LARGE1: variants seen among roughly 807,000 people sequenced by gnomAD.
The protein encoded by LARGE1 is xylosyl- and glucuronyltransferase LARGE1.
Under a neutral mutation model 87.6 loss-of-function variants are expected in LARGE1, and 43 were observed. That is an observed-to-expected ratio of 0.49 (90% CI 0.38 to 0.63). The LOEUF (loss-of-function observed/expected upper bound fraction) is 0.63, where lower values mean the gene tolerates loss of function less well. Among genes scored for constraint, LARGE1 ranks in the 30% least tolerant of loss-of-function variants. The pLI, the probability that LARGE1 is intolerant of heterozygous loss-of-function variation, is 0.00. For missense variants in LARGE1, 802 were observed against 1,000.2 expected (o/e 0.80, Z 2.67); for synonymous variants, 434 against 394.6 (o/e 1.10, Z -1.18).
At chr22:33,371,122 T>C (rs377756695) in intron 9 of LARGE1, among the ~76,000 whole-genome samples, 23 of 151,372 alleles carry the variant, frequency 1.5e-4, no homozygotes, top group Middle Eastern at 3.5e-3. Context: ...TTAGATAATA[T>C]ATGTTATGCT....
At chr22:33,098,200 T>G in the LARGE1 span, among the ~76,000 whole-genome samples, 1 of 151,798 alleles carries the variant, frequency 6.6e-6, no homozygotes, top group Admixed American at 6.6e-5. Flanking sequence ...CCCAGCTACT[T>G]TGGTGGCTGA....
At chr22:33,699,545 C>T (rs374977210) in intron 2 of LARGE1, among the ~76,000 whole-genome samples, 4 of 152,216 alleles carry the variant, frequency 2.6e-5, no homozygotes, top group East Asian at 1.9e-4. Context: ...GAGGACGGCA[C>T]GATGTAGACA....
intron 9 of LARGE1, among the ~76,000 whole-genome samples, chr22:33,368,309 C>T (rs185732353): frequency 9.9e-5 from 15 of 151,808 alleles, no homozygotes; most frequent in African/African-American, 2.7e-4. Flanking sequence ...GGTGGGAGGC[C>T]GATCACCTGA....
intron 6 of LARGE1, among the ~76,000 whole-genome samples, chr22:33,468,957 T>G (rs144123749): frequency 6.6e-6 from 1 of 152,186 alleles, no homozygotes; most frequent in South Asian, 2.1e-4. Context: ...ACACTCACCA[T>G]ACCTCGGGAG....
chr22:33,141,542 C>T, the LARGE1 span, among the ~76,000 whole-genome samples: 9 of 151,814 alleles, frequency 5.9e-5, no homozygotes, highest in South Asian at 1.2e-3. Context: ...TAATTTATAT[C>T]TATATTATAC....
At chr22:33,395,078 A>AC (rs1160324746) in intron 7 of LARGE1, among the ~76,000 whole-genome samples, 1 of 151,968 alleles carries the variant, frequency 6.6e-6, no homozygotes, top group Non-Finnish European at 1.5e-5. Flanking sequence ...AATACAAAAA[A>AC]ATTAGCCGGG....
chr22:33,100,729 A>C, the LARGE1 span, among the ~76,000 whole-genome samples: 8 of 152,270 alleles, frequency 5.3e-5, no homozygotes, highest in Middle Eastern at 3.4e-3. Flanking sequence ...TGGTGATCCG[A>C]TGCTGCTGGT....
intron 7 of LARGE1, among the ~76,000 whole-genome samples, chr22:33,423,063 C>T (rs971366248): frequency 8.6e-5 from 13 of 150,686 alleles, no homozygotes; most frequent in South Asian, 2.1e-4. Context: ...ACAAGTCAAG[C>T]GAAGATGGTA....
At chr22:33,565,139 T>C in intron 5 of LARGE1, 120 bp from the exon 6 acceptor site, 1 of 868,564 alleles carries the variant, frequency 1.2e-6, no homozygotes. Context: ...AAAAATTTGT[T>C]GAATAAATGA....
chr22:33,183,612 A>ACACACACACACACACACG (rs1923294693), intron 11 of LARGE1, among the ~76,000 whole-genome samples: 1 of 91,518 alleles, frequency 1.1e-5, no homozygotes, highest in South Asian at 3.1e-4. Flanking sequence ...ACACACACAC[A>ACACACACACACACACACG]CACACACGCA....
chr22:33,594,113 C>A (rs75664523), intron 5 of LARGE1, among the ~76,000 whole-genome samples: 7,938 of 152,238 alleles, frequency 0.052, 686 homozygotes, highest in African/African-American at 0.18. Flanking sequence ...TTAATCCTTG[C>A]AATTCAAATA....
chr22:33,612,384 G>A (rs905727448), intron 4 of LARGE1, among the ~76,000 whole-genome samples: 1 of 152,204 alleles, frequency 6.6e-6, no homozygotes, highest in African/African-American at 2.4e-5. Flanking sequence ...TTACAGGCAT[G>A]AGCCACAGCA....
chr22:33,321,922 G>A (rs1420994730), intron 10 of LARGE1, among the ~76,000 whole-genome samples: 5 of 152,094 alleles, frequency 3.3e-5, no homozygotes, highest in African/African-American at 1.2e-4. Flanking sequence ...GGGTTCAAGC[G>A]ATTCTCCTGC....
chr22:33,893,419 A>T (rs974289148), intron 1 of LARGE1, among the ~76,000 whole-genome samples: 3 of 152,184 alleles, frequency 2.0e-5, no homozygotes, highest in Middle Eastern at 3.2e-3. Flanking sequence ...ACAAATATTT[A>T]TTGAGAGTTC....
the LARGE1 span, among the ~76,000 whole-genome samples, chr22:33,097,278 CTG>C: frequency 6.6e-6 from 1 of 152,188 alleles, no homozygotes; most frequent in African/African-American, 2.4e-5. Flanking sequence ...GTCAGGAAGT[CTG>C]GAGGAGAACC....
intron 1 of LARGE1, among the ~76,000 whole-genome samples, chr22:33,877,419 C>T (rs572967840): frequency 1.3e-5 from 2 of 152,274 alleles, no homozygotes; most frequent in Non-Finnish European, 2.9e-5. Flanking sequence ...GAAACTAGCA[C>T]AGCAGGGCTC....
At chr22:33,631,683 T>A (rs563431306) in intron 3 of LARGE1, among the ~76,000 whole-genome samples, 3 of 151,948 alleles carry the variant, frequency 2.0e-5, no homozygotes, top group African/African-American at 7.2e-5. Flanking sequence ...CAGTTAACTT[T>A]AAAAAAAATA....
chr22:33,796,352 A>T (rs2085981909), intron 1 of LARGE1, among the ~76,000 whole-genome samples: 1 of 152,188 alleles, frequency 6.6e-6, no homozygotes, highest in African/African-American at 2.4e-5. Flanking sequence ...AGAAAAGAGG[A>T]AGGCAGACAG....
At chr22:33,583,638 G>C (rs928738271) in intron 5 of LARGE1, among the ~76,000 whole-genome samples, 4 of 152,174 alleles carry the variant, frequency 2.6e-5, no homozygotes, top group African/African-American at 9.7e-5. Context: ...CCACTGAATA[G>C]GTCAGGGACA....
Sources: allele counts gnomAD v4.1 joint callset (sites outside exome capture counted in the v4.1 genomes callset), GRCh38; gene constraint gnomAD v4.1.1; transcripts MANE v1.5; gene names NCBI Gene and HGNC (gene_info 2026-07-23, HGNC 2026-07-21).